The following NLGN4X variants were observed in gnomAD, a reference collection of about 807,000 sequenced individuals.
NLGN4X encodes the protein neuroligin-4, X-linked.
A neutral mutation model predicts 40.3 loss-of-function variants in NLGN4X; 3 were observed. That is an observed-to-expected ratio of 0.07 (90% CI 0.03 to 0.19). The LOEUF (loss-of-function observed/expected upper bound fraction) is 0.19. Ranked by LOEUF, NLGN4X falls within the 10% of genes least tolerant of loss-of-function variation. NLGN4X has a pLI of 1.00. For synonymous variants in NLGN4X, 270 were observed against 306.8 expected, an observed-to-expected ratio of 0.88 and a Z score of 1.25; for missense variants, 382 against 708.3, an observed-to-expected ratio of 0.54 and a Z score of 5.23.
intron 3 of NLGN4X, among the ~76,000 whole-genome samples, chrX:5,947,847 T>A (rs1317212842): frequency 8.9e-6 from 1 of 112,006 alleles, no homozygotes; most frequent in African/African-American, 3.2e-5. Context: ...AGAAAAAAAA[T>A]TCTGAAAGAA....
intron 2 of NLGN4X, among the ~76,000 whole-genome samples, chrX:6,042,702 T>TATATATAC (rs1182712506): frequency 3.5e-5 from 1 of 28,268 alleles, no homozygotes; most frequent in African/African-American, 1.1e-4. Flanking sequence ...TATATATATA[T>TATATATAC]ATATATATAT....
At chrX:5,945,966 C>T (rs2034108463) in intron 3 of NLGN4X, among the ~76,000 whole-genome samples, 2 of 111,437 alleles carry the variant, frequency 1.8e-5, no homozygotes, top group African/African-American at 6.5e-5. Flanking sequence ...TCCATAGAAC[C>T]AAGGGTTTAT....
intron 3 of NLGN4X, among the ~76,000 whole-genome samples, chrX:6,018,821 C>T (rs759558756): frequency 4.5e-5 from 5 of 111,835 alleles, no homozygotes; most frequent in East Asian, 2.8e-4. Context: ...AATAATTAAC[C>T]GAATCAACAC....
intron 3 of NLGN4X, among the ~76,000 whole-genome samples, chrX:5,927,244 C>CA (rs2033368168): frequency 9.0e-6 from 1 of 111,281 alleles, no homozygotes; most frequent in African/African-American, 3.3e-5. Context: ...ACAGTTCACA[C>CA]AAAAAAGGTG....
intron 1 of NLGN4X, among the ~76,000 whole-genome samples, chrX:6,158,942 C>G (rs62588040): frequency 0.14 from 15,831 of 110,716 alleles, 895 homozygotes; most frequent in Middle Eastern, 0.23. Flanking sequence ...TAAATAAGCC[C>G]CAATTATAAT....
chrX:6,137,591 AT>A (rs764948159), intron 2 of NLGN4X, among the ~76,000 whole-genome samples: 1 of 111,768 alleles, frequency 8.9e-6, no homozygotes, highest in Non-Finnish European at 1.9e-5. Flanking sequence ...AAAGAAATTG[AT>A]TCCTCTAAAG....
intron 3 of NLGN4X, among the ~76,000 whole-genome samples, chrX:5,952,706 T>C (rs781008575): frequency 1.8e-5 from 2 of 111,192 alleles, no homozygotes; most frequent in East Asian, 5.7e-4. Context: ...ATGTGGGAGC[T>C]GGCAAGTCTG....
chrX:6,110,665 A>G (rs2039127662), intron 2 of NLGN4X, among the ~76,000 whole-genome samples: 1 of 111,757 alleles, frequency 8.9e-6, no homozygotes, highest in Admixed American at 9.5e-5. Context: ...TATCTGGACA[A>G]TAAGCAAAAA....
intron 2 of NLGN4X, among the ~76,000 whole-genome samples, chrX:6,142,019 T>C (rs1328573586): frequency 9.0e-6 from 1 of 111,132 alleles, no homozygotes; most frequent in Non-Finnish European, 1.9e-5. Flanking sequence ...GGACTAGTTG[T>C]ACCTAAAGTT....
chrX:6,134,730 G>A (rs1298358227), intron 2 of NLGN4X, among the ~76,000 whole-genome samples: 1 of 112,284 alleles, frequency 8.9e-6, no homozygotes, highest in Non-Finnish European at 1.9e-5. Context: ...TGGTGCCTAC[G>A]TGGACTTACA....
At chrX:5,908,609 T>G (rs1177919430) in intron 4 of NLGN4X, among the ~76,000 whole-genome samples, 1 of 111,792 alleles carries the variant, frequency 8.9e-6, no homozygotes, top group Non-Finnish European at 1.9e-5. Context: ...ACATTTAAAT[T>G]AGGAGAAAAA....
chrX:5,918,611 G>A (rs765532226), intron 3 of NLGN4X, among the ~76,000 whole-genome samples: 46 of 112,149 alleles, frequency 4.1e-4, no homozygotes, highest in Non-Finnish European at 6.4e-4. Context: ...CTGGCTTGCC[G>A]CTTTAACCAA....
At chrX:6,114,581 C>A (rs1443763917) in intron 2 of NLGN4X, among the ~76,000 whole-genome samples, 1 of 109,556 alleles carries the variant, frequency 9.1e-6, no homozygotes, top group African/African-American at 3.3e-5. Context: ...CATACACCTG[C>A]TTGGAATAAG....
chrX:5,898,190 CTCCT>C (rs2031626659), intron 5 of NLGN4X, among the ~76,000 whole-genome samples: 1 of 99,133 alleles, frequency 1.0e-5, no homozygotes, highest in Non-Finnish European at 2.0e-5. Flanking sequence ...CCTTCCCTCC[CTCCT>C]TCCTTCCCTT....
intron 2 of NLGN4X, among the ~76,000 whole-genome samples, chrX:6,069,517 C>T (rs1330339069): frequency 9.0e-6 from 1 of 111,538 alleles, no homozygotes; most frequent in Non-Finnish European, 1.9e-5. Flanking sequence ...TTCAAAAATT[C>T]ACTTTAAAAT....
At chrX:6,160,839 A>T (rs892971464) in intron 1 of NLGN4X, among the ~76,000 whole-genome samples, 1 of 106,069 alleles carries the variant, frequency 9.4e-6, no homozygotes, top group Non-Finnish European at 1.9e-5. Flanking sequence ...ATTTTAATAT[A>T]TTATACGTAT....
intron 1 of NLGN4X, among the ~76,000 whole-genome samples, chrX:6,218,089 G>A (rs1387234213): frequency 3.6e-5 from 4 of 111,096 alleles, no homozygotes; most frequent in Non-Finnish European, 3.8e-5. Flanking sequence ...TTGGCATGTG[G>A]GTAAATTTGC....
chrX:6,029,325 C>T lies in NLGN4X; in HGVS notation c.580G>A (p.Gly194Arg). Residue 194 changes from glycine to arginine, a missense_variant, in exon 3 of 6, where the codon GGA (glycine) becomes AGA (arginine). Physicochemically the swap from Gly to Arg is moderately radical, Grantham distance 125. This residue lies in a region of NLGN4X where 32 missense variants were observed against 85.2 expected (regional missense o/e 0.38). Transcript: ENST00000381095. ...TTAATGGTGATCACGATGACGTTTC[C>T]GTAGCTTGCCAAAATGCTGCCGTCA... The part of the protein sequence containing the change: ...MIDGSILASY[G>R]NVIVITINYR... The T allele has an allele frequency of 8.3e-7, 1 of 1,211,037 alleles. No individual in the cohort carries two copies. The highest frequency in any genetic ancestry group is 1.1e-6 in the Non-Finnish European group (1 of 895,217).
intron 1 of NLGN4X, among the ~76,000 whole-genome samples, chrX:6,201,524 G>A (rs1158288289): frequency 8.9e-6 from 1 of 112,076 alleles, no homozygotes; most frequent in Non-Finnish European, 1.9e-5. Context: ...AGATTGGAGA[G>A]TGTACAAGTC....
Sources: gnomAD v4.1 joint callset for allele counts (sites outside exome capture counted in the v4.1 genomes callset) on GRCh38, gnomAD v4.1.1 for gene constraint, gnomAD v4.1.1 regional missense constraint, MANE v1.5 for transcripts, NCBI Gene and HGNC (gene_info 2026-07-23, HGNC 2026-07-21) for gene names.